Variants in CXCL13 observed in about 807,000 individuals in gnomAD.
The protein encoded by CXCL13 is C-X-C motif chemokine ligand 13.
A neutral mutation model predicts 12.2 loss-of-function variants in CXCL13; 7 were observed. The ratio of observed to expected loss-of-function variants is 0.57; its 90% CI spans 0.33 to 1.07. The LOEUF is 1.07. Ranked by LOEUF, CXCL13 falls within the 50% of genes least tolerant of loss-of-function variation. CXCL13 has a pLI of 0.04. For synonymous variants in CXCL13, 47 were observed against 42.4 expected (o/e 1.11, Z -0.42); for missense variants, 113 against 127.4 (o/e 0.89, Z 0.55).
Position 77,528,946 on chromosome 4 carries a change from A to G in CXCL13, c.-43+17158A>G, listed in dbSNP as rs370715974. 2.5e-3 allele frequency among the ~76,000 whole-genome samples: 386 copies of G among 152,252 alleles called. 2 individuals are homozygous for G. The highest frequency in any genetic ancestry group is 3.5e-3 in the Non-Finnish European group (236 of 68,008). ...TTAAGTCTTTAATCCATCTTGAATT[A>G]ATTTTTGTATAAGGTGTAAGGAAGG... On this transcript the variant is annotated intron_variant, in intron 1 of 4. Coordinates refer to the CXCL13 transcript ENST00000286758.
In CXCL13 at chr4:77,516,806, C is replaced by T. The variant is rs187734516; in HGVS notation, c.-43+5018C>T. Among the ~76,000 whole-genome samples the T allele has an allele frequency of 7.6e-3, 1,154 of 152,128 alleles. 14 individuals carry two copies. The highest frequency in any genetic ancestry group is 0.025 in the African/African-American group (1,043 of 41,508). ...TGAAGGGTTTTTGTGTCTCTATTTC[C>T]TTCAGTTCTGCTCTGATCTTAGTTA... On this transcript the variant is annotated intron_variant, in intron 1 of 4. Coordinates refer to the CXCL13 transcript ENST00000286758.
intron 1 of CXCL13, among the ~76,000 whole-genome samples, chr4:77,555,272 C>G (rs1725634446): frequency 6.6e-6 from 1 of 151,810 alleles, no homozygotes; most frequent in East Asian, 1.9e-4. Context: ...CTATTATGAA[C>G]AAATGCATGC....
chr4:77,516,901 G>T (rs545287833), intron 1 of CXCL13, among the ~76,000 whole-genome samples: 2 of 151,700 alleles, frequency 1.3e-5, no homozygotes, highest in African/African-American at 4.8e-5. Flanking sequence ...TTGATGTTAG[G>T]GTGTCAATTT....
At position 77,607,787 on chromosome 4, in the gene CXCL13, G is replaced by A. The variant is rs749635861; in HGVS notation, c.149G>A (p.Arg50Gln). 1.1e-5 allele frequency: 17 copies of A among 1,613,874 alleles called. No homozygotes were observed. The African/African-American group carries it at 1.3e-4, about 13-fold the overall frequency. Reference sequence around the variant, plus strand: ...TTTATCCCTAGACGCTTCATTGATCGAATTCAAATCTTGCCCCGTGGGAAT... The same window carrying A: ...TTTATCCCTAGACGCTTCATTGATCAAATTCAAATCTTGCCCCGTGGGAAT... ...SVFIPRRFID[R>Q]IQILPRGNGC... The change falls in exon 2 of 4, where the codon CGA becomes CAA. Residue 50 changes from arginine to glutamine, a missense_variant. Coordinates refer to ENST00000682537, the MANE Select transcript of CXCL13 (RefSeq NM_001371558.1).
At chr4:77,606,003 TA>T (rs913115555) in intron 1 of CXCL13, 74 bp downstream of exon 1, 30 of 1,061,214 alleles carry the variant, frequency 2.8e-5, no homozygotes, top group Admixed American at 4.0e-5. Context: ...TTCTTTCGAT[TA>T]AAAACCGCAG....
At chr4:77,579,472 A>C (rs952483320) in intron 1 of CXCL13, among the ~76,000 whole-genome samples, 1 of 152,158 alleles carries the variant, frequency 6.6e-6, no homozygotes, top group Non-Finnish European at 1.5e-5. Context: ...TCCAGACTGA[A>C]TTATATTCTA....
intron 1 of CXCL13, among the ~76,000 whole-genome samples, chr4:77,526,175 G>T (rs1724759303): frequency 6.6e-6 from 1 of 151,796 alleles, no homozygotes. Context: ...ATTGTTCCTA[G>T]GCAGCTTATT....
chr4:77,523,150 A>G (rs982314682), intron 1 of CXCL13, among the ~76,000 whole-genome samples: 1 of 151,860 alleles, frequency 6.6e-6, no homozygotes, highest in African/African-American at 2.4e-5. Context: ...CATTTTTTCC[A>G]TCATTTCAAC....
In CXCL13 at chr4:77,560,736, G is replaced by T. The variant is rs542469425; in HGVS notation, c.-42-45088G>T. Among the ~76,000 whole-genome samples, 3 of 152,142 alleles carry T rather than the reference G, an allele frequency of 2.0e-5. No homozygotes were observed. The East Asian group carries it at 5.8e-4, about 29-fold the overall frequency. On this transcript the variant is annotated intron_variant, in intron 1 of 4. Transcript: ENST00000286758. ...TCAACAGATTGTAAACATCACGCACGGTCTTTCACACCACTACCCTATATA... is the reference window on the plus strand; with the variant it reads ...TCAACAGATTGTAAACATCACGCACTGTCTTTCACACCACTACCCTATATA...
chr4:77,535,361 T>C (rs757409781), intron 1 of CXCL13, among the ~76,000 whole-genome samples: 1 of 152,314 alleles, frequency 6.6e-6, no homozygotes, highest in Non-Finnish European at 1.5e-5. Flanking sequence ...CCCTTTCCAG[T>C]TGAGCCATGC....
At chr4:77,529,181 G>C (rs1724844396) in intron 1 of CXCL13, among the ~76,000 whole-genome samples, 2 of 152,130 alleles carry the variant, frequency 1.3e-5, no homozygotes, top group Non-Finnish European at 2.9e-5. Context: ...GGTTACTGTA[G>C]CCTTGTAGCA....
intron 1 of CXCL13, among the ~76,000 whole-genome samples, chr4:77,535,735 A>G (rs971087828): frequency 2.0e-5 from 3 of 152,110 alleles, no homozygotes; most frequent in African/African-American, 7.2e-5. Flanking sequence ...TTGACCAACC[A>G]CTCAGCTGAA....
chr4:77,517,651 A>G (rs1249716087), intron 1 of CXCL13, among the ~76,000 whole-genome samples: 3 of 151,514 alleles, frequency 2.0e-5, no homozygotes, highest in Admixed American at 2.0e-4. Flanking sequence ...TTTGTTTTCC[A>G]TTTGCTTGGT....
intron 1 of CXCL13, among the ~76,000 whole-genome samples, chr4:77,528,883 G>T (rs533719702): frequency 6.6e-6 from 1 of 152,312 alleles, no homozygotes; most frequent in East Asian, 1.9e-4. Context: ...TATTGCCTAG[G>T]TTTTCTTCTA....
chr4:77,515,170 C>T (rs1413631927), intron 1 of CXCL13, among the ~76,000 whole-genome samples: 2 of 152,186 alleles, frequency 1.3e-5, no homozygotes, highest in Admixed American at 6.5e-5. Context: ...ATCTATATCT[C>T]TGTTTTAGTA....
At chr4:77,514,939 G>T (rs1210955495) in intron 1 of CXCL13, among the ~76,000 whole-genome samples, 3 of 152,108 alleles carry the variant, frequency 2.0e-5, no homozygotes, top group Admixed American at 6.5e-5. Flanking sequence ...TATGGTTTTA[G>T]GTCTAACGTT....
chr4:77,559,351 C>A (rs929633272), intron 1 of CXCL13, among the ~76,000 whole-genome samples: 1 of 152,152 alleles, frequency 6.6e-6, no homozygotes. Flanking sequence ...TTGGCCATTT[C>A]TGAAAATGGA....
rs1190205479 is a variant in CXCL13, at chr4:77,534,735, G to A, written c.-43+22947G>A. Among the ~76,000 whole-genome samples, 7 of 152,278 alleles carry A rather than the reference G, an allele frequency of 4.6e-5. No individual in the cohort carries two copies. The East Asian group carries it at 1.4e-3, about 29-fold the overall frequency. On this transcript the variant is annotated intron_variant, in intron 1 of 4. Coordinates refer to the CXCL13 transcript ENST00000286758. The stretch of plus-strand genomic sequence containing the variant: ...AGAAGTCCATTTAGTGCAGGCCTCA[G>A]GTGTGCCACTTAATCTCTCATCTCC...
At chr4:77,558,160 C>T (rs1725709330) in intron 1 of CXCL13, among the ~76,000 whole-genome samples, 1 of 152,194 alleles carries the variant, frequency 6.6e-6, no homozygotes, top group South Asian at 2.1e-4. Flanking sequence ...ATGGCTAGGT[C>T]CTGAAGTTCC....
Sources: gnomAD v4.1 joint callset for allele counts (sites outside exome capture counted in the v4.1 genomes callset) on GRCh38, gnomAD v4.1.1 for gene constraint, MANE v1.5 for transcripts, NCBI Gene and HGNC (gene_info 2026-07-23, HGNC 2026-07-21) for gene names.